The following MPP7 variants were observed in gnomAD, a reference collection of about 807,000 sequenced individuals.
The protein encoded by MPP7 is MAGUK p55 subfamily member 7.
Under a neutral mutation model 76.5 loss-of-function variants are expected in MPP7, and 60 were observed. That is an observed-to-expected ratio of 0.78 (90% CI 0.64 to 0.97). The LOEUF is 0.97. MPP7 is among the 50% of genes least tolerant of loss of function. The probability of loss-of-function intolerance (pLI) is 0.00; values close to 1 mark genes in which losing one functional copy is unlikely to be tolerated. For missense variants in MPP7, 641 were observed against 694.0 expected, an observed-to-expected ratio of 0.92 and a Z score of 0.86; for synonymous variants, 237 against 244.5, an observed-to-expected ratio of 0.97 and a Z score of 0.29.
intron 11 of MPP7, among the ~76,000 whole-genome samples, chr10:28,105,831 T>C (rs1293270477): frequency 1.3e-5 from 2 of 152,146 alleles, no homozygotes; most frequent in Admixed American, 1.3e-4. Flanking sequence ...ATTATTAACA[T>C]CGGGAAATGA....
At chr10:28,208,068 G>A (rs1838005801) in intron 2 of MPP7, among the ~76,000 whole-genome samples, 1 of 152,106 alleles carries the variant, frequency 6.6e-6, no homozygotes, top group African/African-American at 2.4e-5. Flanking sequence ...GAATACCTAG[G>A]ACTGAAGGAG....
intron 11 of MPP7, among the ~76,000 whole-genome samples, chr10:28,093,099 A>T (rs1853399088): frequency 6.6e-6 from 1 of 152,152 alleles, no homozygotes; most frequent in African/African-American, 2.4e-5. Flanking sequence ...CAAAGATGAT[A>T]CATGAGCTAC....
chr10:28,229,139 G>A (rs1433406013), intron 2 of MPP7, among the ~76,000 whole-genome samples: 1 of 152,110 alleles, frequency 6.6e-6, no homozygotes, highest in Non-Finnish European at 1.5e-5. Flanking sequence ...AAAGCCAAAT[G>A]AATTCTGGAT....
intron 1 of MPP7, among the ~76,000 whole-genome samples, chr10:28,270,538 G>GA (rs1840291208): frequency 7.8e-6 from 1 of 128,978 alleles, no homozygotes; most frequent in East Asian, 2.7e-4. Flanking sequence ...AAAAAGGGGG[G>GA]GGGGGAGGAG....
intron 13 of MPP7, among the ~76,000 whole-genome samples, chr10:28,065,374 A>C (rs1207325946): frequency 6.6e-6 from 1 of 152,232 alleles, no homozygotes; most frequent in African/African-American, 2.4e-5. Flanking sequence ...TGCTTATCAT[A>C]ATCAACCTGA....
At chr10:28,217,572 A>T (rs1393707878) in intron 2 of MPP7, among the ~76,000 whole-genome samples, 1 of 149,812 alleles carries the variant, frequency 6.7e-6, no homozygotes, top group African/African-American at 2.4e-5. Flanking sequence ...GAAAAACTGC[A>T]TCAGGGAAGA....
chr10:28,146,403 TTG>T (rs1835705750), intron 5 of MPP7, among the ~76,000 whole-genome samples: 3 of 113,772 alleles, frequency 2.6e-5, no homozygotes, highest in Non-Finnish European at 3.4e-5. Flanking sequence ...TTTTGTTTTT[TTG>T]TTTTTTTTTT....
chr10:28,054,921 C>T (rs1851498282), intron 16 of MPP7, among the ~76,000 whole-genome samples: 1 of 152,184 alleles, frequency 6.6e-6, no homozygotes, highest in Non-Finnish European at 1.5e-5. Context: ...AAGTGATCCC[C>T]ACCTGCCTCG....
chr10:28,121,168 G>A (rs541173428), intron 8 of MPP7, among the ~76,000 whole-genome samples: 6 of 151,900 alleles, frequency 3.9e-5, no homozygotes, highest in South Asian at 4.2e-4. Flanking sequence ...TTAGCCAAGC[G>A]TGGTGATGAA....
intron 1 of MPP7, among the ~76,000 whole-genome samples, chr10:28,301,644 T>C (rs908629038): frequency 2.0e-5 from 3 of 152,226 alleles, no homozygotes; most frequent in African/African-American, 7.2e-5. Context: ...GCAGGATTCC[T>C]TTCATTTCTA....
intron 3 of MPP7, among the ~76,000 whole-genome samples, chr10:28,168,513 C>T (rs1836565589): frequency 6.6e-6 from 1 of 151,610 alleles, no homozygotes; most frequent in South Asian, 2.1e-4. Flanking sequence ...TATTCTTTTA[C>T]CTCACCTTCT....
At chr10:28,210,915 T>C (rs1753687830) in intron 2 of MPP7, among the ~76,000 whole-genome samples, 1 of 152,218 alleles carries the variant, frequency 6.6e-6, no homozygotes. Context: ...AAATGTGCTG[T>C]AGCGGGCTTC....
rs72803689 is a variant in MPP7, at chr10:28,233,260, T to G, written c.37+5308A>C. ...CTACAATGATCCGTTTGCTAAGGATTAGAGTTGAAAACATCAATGAGAACT... is the reference window on the plus strand; with the variant it reads ...CTACAATGATCCGTTTGCTAAGGATGAGAGTTGAAAACATCAATGAGAACT... On this transcript the variant is annotated intron_variant, in intron 2 of 16. Coordinates refer to ENST00000683449, the MANE Select transcript of MPP7 (RefSeq NM_001318170.2). Among the ~76,000 whole-genome samples, 29 of 152,246 alleles carry G rather than the reference T, an allele frequency of 1.9e-4. No homozygotes were observed. In the East Asian group the frequency reaches 5.6e-3, roughly 29 times the overall value.
chr10:28,292,912 T>C (rs993196753), intron 1 of MPP7, among the ~76,000 whole-genome samples: 13 of 150,930 alleles, frequency 8.6e-5, no homozygotes, highest in African/African-American at 2.7e-4. Context: ...ATGATACAGG[T>C]AGCATCACAA....
chr10:28,208,993 G>A (rs533022394), intron 2 of MPP7, among the ~76,000 whole-genome samples: 2 of 152,088 alleles, frequency 1.3e-5, no homozygotes, highest in African/African-American at 2.4e-5. Flanking sequence ...TTGTTTAAGT[G>A]TGGCACCTCC....
At chr10:28,061,584 G>A (rs1851785313) in intron 13 of MPP7, among the ~76,000 whole-genome samples, 1 of 151,902 alleles carries the variant, frequency 6.6e-6, no homozygotes, top group African/African-American at 2.4e-5. Flanking sequence ...AGTACTAGAA[G>A]GAGAGGAAAA....
chr10:28,070,109 G>A (rs1852169151), intron 12 of MPP7, among the ~76,000 whole-genome samples: 1 of 152,160 alleles, frequency 6.6e-6, no homozygotes, highest in Non-Finnish European at 1.5e-5. Context: ...ATGTTCTAGA[G>A]TATTTAGGCT....
upstream of MPP7, among the ~76,000 whole-genome samples, chr10:28,335,151 G>C (rs188077769): frequency 2.0e-3 from 307 of 152,330 alleles, 3 homozygotes; most frequent in African/African-American, 6.7e-3. Context: ...AGCTGTTTGG[G>C]TGTCCCCTTG....
Position 28,120,350 on chromosome 10 carries a change from T to C in MPP7, c.731A>G (p.Asp244Gly), listed in dbSNP as rs748232868. ...AGCTTCCTTACATGGAATTGCCTTA[T>C]CCTCATTAGGATTATAGTCAAAGAG... ...KALFDYNPNE[D>G]KAIPCKEAGL... The change falls in exon 10 of 17, where the codon GAT (aspartate) becomes GGT (glycine). Residue 244 changes from aspartate to glycine, a missense_variant. Coordinates refer to ENST00000683449, the MANE Select transcript of MPP7 (RefSeq NM_001318170.2). 1 of 1,614,030 alleles carries C rather than the reference T, an allele frequency of 6.2e-7. No homozygotes were observed. The highest frequency in any genetic ancestry group is 8.5e-7 in the Non-Finnish European group (1 of 1,179,950).
Sources: allele counts gnomAD v4.1 joint callset (sites outside exome capture counted in the v4.1 genomes callset), GRCh38; gene constraint gnomAD v4.1.1; transcripts MANE v1.5; gene names NCBI Gene and HGNC (gene_info 2026-07-23, HGNC 2026-07-21).